Variants in CNIH3 observed in about 807,000 individuals in gnomAD.
CNIH3 encodes cornichon family AMPA receptor auxiliary protein 3.
Under a neutral mutation model 24.1 loss-of-function variants are expected in CNIH3, and 14 were observed. The observed-to-expected ratio is 0.58, with a 90% CI of 0.38 to 0.91. The LOEUF is 0.91. Among genes scored for constraint, CNIH3 ranks in the 40% least tolerant of loss-of-function variants. The pLI is 0.00. For missense variants in CNIH3, 178 were observed against 196.8 expected (o/e 0.90, Z 0.57); for synonymous variants, 68 against 73.8 (o/e 0.92, Z 0.40).
intron 4 of CNIH3, chr1:224,575,013 A>C: frequency 1.1e-6 from 1 of 876,276 alleles, no homozygotes; most frequent in Non-Finnish European, 2.0e-6. Context: ...CCCGTACCTC[A>C]CTCAGGAGAA....
chr1:224,532,868 T>C (rs1356490018), intron 2 of CNIH3, among the ~76,000 whole-genome samples: 2 of 152,174 alleles, frequency 1.3e-5, no homozygotes, highest in Non-Finnish European at 2.9e-5. Flanking sequence ...AAGTTAACCA[T>C]TGCAACCACC....
At chr1:224,459,159 C>T (rs1675800788) in intron 1 of CNIH3, 4 of 956,128 alleles carry the variant, frequency 4.2e-6, no homozygotes, top group Non-Finnish European at 5.0e-6. Flanking sequence ...CAGGGCCCCT[C>T]TCTTTGCCTT....
chr1:224,690,556 CT>C (rs1490786599), intron 3 of CNIH3, among the ~76,000 whole-genome samples: 3 of 152,226 alleles, frequency 2.0e-5, no homozygotes, highest in Non-Finnish European at 4.4e-5. Flanking sequence ...TAGATTGAGG[CT>C]GCCCAATGTT....
chr1:224,445,670 A>G, intron 1 of CNIH3, among the ~76,000 whole-genome samples: 1 of 148,612 alleles, frequency 6.7e-6, no homozygotes, highest in Non-Finnish European at 1.5e-5. Context: ...CCTTTGTTGG[A>G]TGTATGTACT....
intron 3 of CNIH3, among the ~76,000 whole-genome samples, chr1:224,726,355 C>T (rs1689022530): frequency 6.6e-6 from 1 of 152,212 alleles, no homozygotes; most frequent in Non-Finnish European, 1.5e-5. Context: ...ATAAAGTTTG[C>T]AGGTACTGAT....
intron 5 of CNIH3, among the ~76,000 whole-genome samples, chr1:224,583,749 A>G (rs1263741717): frequency 6.6e-6 from 1 of 152,156 alleles, no homozygotes; most frequent in Non-Finnish European, 1.5e-5. Context: ...TCTTCAGCCA[A>G]TTTTGTTATA....
chr1:224,506,892 G>C (rs1677943337), intron 1 of CNIH3, among the ~76,000 whole-genome samples: 1 of 151,654 alleles, frequency 6.6e-6, no homozygotes, highest in Non-Finnish European at 1.5e-5. Context: ...TTTGAGACAG[G>C]GTCTCTGTCT....
At chr1:224,546,966 A>G in intron 3 of CNIH3, 1 of 937,658 alleles carries the variant, frequency 1.1e-6, no homozygotes, top group Non-Finnish European at 1.3e-6. Context: ...ACACTCAACC[A>G]CTGAATTAGG....
intron 1 of CNIH3, chr1:224,436,738 C>T (rs1216422990): frequency 6.6e-6 from 1 of 152,218 alleles, no homozygotes; most frequent in Admixed American, 6.5e-5. Flanking sequence ...ATGAACAATT[C>T]TGAAATACCA....
At chr1:224,602,896 G>T (rs1019406813) in intron 3 of CNIH3, among the ~76,000 whole-genome samples, 3 of 152,170 alleles carry the variant, frequency 2.0e-5, no homozygotes, top group Non-Finnish European at 4.4e-5. Context: ...GGCCCGTAAA[G>T]GTCTACAAAC....
intron 3 of CNIH3, among the ~76,000 whole-genome samples, chr1:224,709,025 A>C (rs1186980624): frequency 6.6e-6 from 1 of 152,238 alleles, no homozygotes; most frequent in Non-Finnish European, 1.5e-5. Context: ...GACAACAATC[A>C]GCTGGAGTGG....
intron 4 of CNIH3, among the ~76,000 whole-genome samples, chr1:224,733,193 C>A (rs948128689): frequency 1.3e-5 from 2 of 152,130 alleles, no homozygotes; most frequent in Non-Finnish European, 2.9e-5. Flanking sequence ...TCACAACAGC[C>A]CTTTGCAGTG....
upstream of CNIH3, among the ~76,000 whole-genome samples, chr1:224,613,935 G>C (rs1682821166): frequency 6.6e-6 from 1 of 151,642 alleles, no homozygotes; most frequent in African/African-American, 2.4e-5. Context: ...CTGGAGTGCA[G>C]TGGTATGAAC....
intron 1 of CNIH3, among the ~76,000 whole-genome samples, chr1:224,437,915 AT>A (rs35998596): frequency 2.5e-4 from 36 of 143,776 alleles, no homozygotes; most frequent in Admixed American, 2.1e-4. Flanking sequence ...CACGGCAACT[AT>A]TTTTTTTTTT....
chr1:224,435,384 A>G (rs929739800), intron 1 of CNIH3, among the ~76,000 whole-genome samples: 6 of 152,186 alleles, frequency 3.9e-5, no homozygotes. Flanking sequence ...GAGCTGTGAG[A>G]TAATGAGCCG....
intron 3 of CNIH3, among the ~76,000 whole-genome samples, chr1:224,548,301 T>C (rs1679781297): frequency 6.6e-6 from 1 of 152,016 alleles, no homozygotes; most frequent in Admixed American, 6.6e-5. Flanking sequence ...CTTGTGATAT[T>C]ACTCGCAATA....
At chr1:224,542,681 A>C (rs1171605609) in intron 2 of CNIH3, among the ~76,000 whole-genome samples, 1 of 152,216 alleles carries the variant, frequency 6.6e-6, no homozygotes, top group African/African-American at 2.4e-5. Context: ...TGGAGAATGG[A>C]CCAAGAGAGA....
At chr1:224,512,669 AAAAG>A (rs1272923987), upstream of CNIH3, among the ~76,000 whole-genome samples, 3 of 152,238 alleles carry the variant, frequency 2.0e-5, no homozygotes, top group African/African-American at 7.2e-5. Context: ...TTTTTAAAAT[AAAAG>A]AAAGAACACA....
intron 3 of CNIH3, among the ~76,000 whole-genome samples, chr1:224,687,401 T>G (rs1686715104): frequency 6.6e-6 from 1 of 152,136 alleles, no homozygotes; most frequent in Admixed American, 6.5e-5. Context: ...CCTGGCCGAC[T>G]TTTTTATTTT....
Sources: allele counts gnomAD v4.1 joint callset (sites outside exome capture counted in the v4.1 genomes callset), GRCh38; gene constraint gnomAD v4.1.1; transcripts MANE v1.5; gene names NCBI Gene and HGNC (gene_info 2026-07-23, HGNC 2026-07-21).